The following PPP2R2A variants were observed in gnomAD, a reference collection of about 807,000 sequenced individuals.
The protein encoded by PPP2R2A is serine/threonine-protein phosphatase 2A 55 kDa regulatory subunit B alpha isoform.
PPP2R2A carries 9 observed loss-of-function variants against 53.2 expected under a neutral mutation model. The observed-to-expected ratio is 0.17, with a 90% CI of 0.10 to 0.30. The LOEUF is 0.30. Among genes scored for constraint, PPP2R2A ranks in the 10% least tolerant of loss-of-function variants. PPP2R2A has a pLI of 1.00. For missense variants in PPP2R2A, 235 were observed against 534.6 expected, an observed-to-expected ratio of 0.44 and a Z score of 5.53; for synonymous variants, 169 against 174.2, an observed-to-expected ratio of 0.97 and a Z score of 0.23.
At chr8:26,366,267 A>G in intron 8 of PPP2R2A, 48 bp from the exon 9 acceptor site, 1 of 1,460,656 alleles carries the variant, frequency 6.8e-7, no homozygotes, top group Non-Finnish European at 9.5e-7. Context: ...TGGACTTGTT[A>G]AATCATTTTC....
intron 2 of PPP2R2A, among the ~76,000 whole-genome samples, chr8:26,326,680 A>G (rs1476887496): frequency 6.6e-6 from 1 of 152,204 alleles, no homozygotes; most frequent in Non-Finnish European, 1.5e-5. Flanking sequence ...ATACTGTACT[A>G]CTTGTTTGTA....
chr8:26,293,404 G>T (rs1728707372), intron 1 of PPP2R2A: 2 of 855,430 alleles, frequency 2.3e-6, no homozygotes, highest in Non-Finnish European at 3.6e-6. Context: ...TACTGTATTT[G>T]ACAGGAAGTT....
chr8:26,352,670 C>CT (rs1304637767), intron 3 of PPP2R2A, among the ~76,000 whole-genome samples: 1 of 152,164 alleles, frequency 6.6e-6, no homozygotes, highest in African/African-American at 2.4e-5. Context: ...CCATATACCT[C>CT]TATGATTTTG....
chr8:26,324,938 T>C (rs543185364), intron 2 of PPP2R2A, among the ~76,000 whole-genome samples: 1 of 151,454 alleles, frequency 6.6e-6, no homozygotes. Flanking sequence ...CTATACCCTC[T>C]TTGTTTTGGC....
In PPP2R2A at chr8:26,329,083, T is replaced by C. The variant is rs554117436; in HGVS notation, c.83-9807T>C. Among the ~76,000 whole-genome samples, 4 of 152,308 alleles carry C rather than the reference T, an allele frequency of 2.6e-5. No homozygotes were observed. In the South Asian group the frequency reaches 8.3e-4, roughly 32 times the overall value. On this transcript the variant is annotated intron_variant, in intron 2 of 9. Transcript: ENST00000380737. ...TAATGCCATCTTAAATATTTACATA[T>C]TTAGATTCCTATAAAACTTTTTAAA... is the stretch of plus-strand genomic sequence containing the variant.
chr8:26,297,373 G>A (rs951638812), intron 2 of PPP2R2A, among the ~76,000 whole-genome samples: 11 of 152,130 alleles, frequency 7.2e-5, no homozygotes, highest in Non-Finnish European at 1.2e-4. Flanking sequence ...CTCCCAAAGT[G>A]CTGAGATTAC....
intron 2 of PPP2R2A, among the ~76,000 whole-genome samples, chr8:26,305,367 A>G (rs79070142): frequency 0.047 from 7,104 of 152,216 alleles, 269 homozygotes; most frequent in Non-Finnish European, 0.073. Flanking sequence ...CTTTTTATAT[A>G]TATGGGGTTC....
intron 2 of PPP2R2A, among the ~76,000 whole-genome samples, chr8:26,328,262 A>G (rs1803193702): frequency 6.6e-6 from 1 of 152,212 alleles, no homozygotes; most frequent in Non-Finnish European, 1.5e-5. Flanking sequence ...TGTTCTCAAT[A>G]TATTTATACT....
intron 2 of PPP2R2A, among the ~76,000 whole-genome samples, chr8:26,316,170 A>G (rs1802543640): frequency 6.6e-6 from 1 of 151,894 alleles, no homozygotes; most frequent in Admixed American, 6.6e-5. Flanking sequence ...ACGCCCGGCT[A>G]ATTTCTTTTG....
intron 2 of PPP2R2A, among the ~76,000 whole-genome samples, chr8:26,334,924 G>A (rs1803579311): frequency 6.6e-6 from 1 of 152,156 alleles, no homozygotes; most frequent in African/African-American, 2.4e-5. Flanking sequence ...AGCCCTGTTT[G>A]GGTGTAGCAT....
At chr8:26,340,251 A>G (rs17247465) in intron 3 of PPP2R2A, among the ~76,000 whole-genome samples, 5,965 of 152,064 alleles carry the variant, frequency 0.039, 177 homozygotes, top group South Asian at 0.12. Context: ...ATTTACTAAC[A>G]GGAAAGTCAA....
chr8:26,338,743 A>G lies in PPP2R2A; in HGVS notation c.83-147A>G. The G allele has an allele frequency of 2.2e-6, 1 of 452,048 alleles. No individual in the cohort carries two copies. 28.0% of individuals were successfully genotyped at this position (452,048 alleles called of 1,614,324 possible). On this transcript the variant is annotated intron_variant, in intron 2 of 9. Coordinates refer to ENST00000380737, the MANE Select transcript of PPP2R2A (RefSeq NM_002717.4). The surrounding 1 kb of genome is among the most constrained non-coding windows in gnomAD (Gnocchi z 4.5). ...CAAAATATTTATGAAAGAACTTTAG[A>G]TTCATGTTATTTCTGATGGGTGGTT... is the stretch of plus-strand genomic sequence containing the variant.
Position 26,371,066 on chromosome 8 carries a change from G to A in PPP2R2A, c.*653G>A, listed in dbSNP as rs938341443. 1.3e-5 allele frequency: 2 copies of A among 152,402 alleles called. No individual in the cohort carries two copies. Among genetic ancestry groups the A allele is most frequent in the African/African-American group, 4.8e-5 (2 of 41,382 alleles). The allele number at this position is 152,402 out of a possible 1,614,324, so 9.4% of individuals were successfully genotyped here. A position where few individuals can be genotyped will look rare whatever the true frequency, so the allele number is the denominator to read the frequency against. ...TAACAGTTGGCTGTAATCACTCCTC[G>A]CCGTGTCTGGCACTGAAAATAAGGA... On this transcript the variant is annotated 3_prime_UTR_variant, in exon 10 of 10. Coordinates refer to ENST00000380737, the MANE Select transcript of PPP2R2A (RefSeq NM_002717.4).
intron 2 of PPP2R2A, among the ~76,000 whole-genome samples, chr8:26,303,434 A>G (rs971980022): frequency 6.6e-6 from 1 of 152,086 alleles, no homozygotes; most frequent in African/African-American, 2.4e-5. Context: ...TGACCTTGAC[A>G]TTGTGTTTTA....
chr8:26,316,642 A>G (rs1458735808), intron 2 of PPP2R2A, among the ~76,000 whole-genome samples: 1 of 152,216 alleles, frequency 6.6e-6, no homozygotes, highest in Admixed American at 6.5e-5. Flanking sequence ...AACAACAGAC[A>G]TTTATTTCTC....
chr8:26,308,208 T>A (rs1320778371), intron 2 of PPP2R2A, among the ~76,000 whole-genome samples: 1 of 152,270 alleles, frequency 6.6e-6, no homozygotes, highest in African/African-American at 2.4e-5. Flanking sequence ...TAGAGGATCT[T>A]ATCTTGATGT....
intron 2 of PPP2R2A, among the ~76,000 whole-genome samples, chr8:26,297,546 T>G (rs1397082893): frequency 2.0e-5 from 3 of 152,252 alleles, no homozygotes; most frequent in Non-Finnish European, 4.4e-5. Flanking sequence ...GAAAACTGTC[T>G]GTCATGAGAC....
intron 2 of PPP2R2A, among the ~76,000 whole-genome samples, chr8:26,303,405 G>C (rs565851231): frequency 1.3e-5 from 2 of 152,124 alleles, no homozygotes; most frequent in Non-Finnish European, 2.9e-5. Flanking sequence ...TGCCTGCCTC[G>C]TCATTAGAAG....
intron 1 of PPP2R2A, among the ~76,000 whole-genome samples, chr8:26,292,663 G>C (rs1456984058): frequency 2.6e-5 from 4 of 152,164 alleles, no homozygotes. Context: ...GCAAGGAATA[G>C]GGGTGATGGG....
Sources: gnomAD v4.1 joint callset for allele counts (sites outside exome capture counted in the v4.1 genomes callset) on GRCh38, gnomAD v4.1.1 for gene constraint, Gnocchi (gnomAD v3.1) non-coding constraint, MANE v1.5 for transcripts, NCBI Gene and HGNC (gene_info 2026-07-23, HGNC 2026-07-21) for gene names.